The following SLC23A2 variants were observed in gnomAD, a reference collection of about 807,000 sequenced individuals.
SLC23A2 encodes the protein solute carrier family 23 member 2, also known as Na(+)/L-ascorbic acid transporter 2.
Under a neutral mutation model 73.3 loss-of-function variants are expected in SLC23A2, and 36 were observed. The observed-to-expected ratio is 0.49, with a 90% CI of 0.38 to 0.65. The LOEUF (loss-of-function observed/expected upper bound fraction) is 0.65. Ranked by LOEUF, SLC23A2 falls within the 30% of genes least tolerant of loss-of-function variation. The pLI is 0.00. For synonymous variants in SLC23A2, 343 were observed against 327.3 expected, an observed-to-expected ratio of 1.05 and a Z score of -0.52; for missense variants, 507 against 841.6, an observed-to-expected ratio of 0.60 and a Z score of 4.92.
chr20:4,893,167 G>A (rs755427632), intron 6 of SLC23A2, among the ~76,000 whole-genome samples: 3 of 151,602 alleles, frequency 2.0e-5, no homozygotes, highest in South Asian at 2.1e-4. Context: ...GGGCTCAAGC[G>A]ACCCTCCCAC....
chr20:4,904,251 C>A (rs1188895411), intron 4 of SLC23A2, among the ~76,000 whole-genome samples: 1 of 152,184 alleles, frequency 6.6e-6, no homozygotes, highest in African/African-American at 2.4e-5. Flanking sequence ...GACAGATCCC[C>A]AATTAAAAAC....
intron 1 of SLC23A2, among the ~76,000 whole-genome samples, chr20:5,000,240 T>C (rs2088095819): frequency 6.6e-6 from 1 of 152,026 alleles, no homozygotes; most frequent in Non-Finnish European, 1.5e-5. Context: ...CCTGCAACGG[T>C]GAAAAAGGCA....
intron 2 of SLC23A2, among the ~76,000 whole-genome samples, chr20:4,933,609 A>G (rs1420144328): frequency 1.3e-5 from 2 of 152,068 alleles, no homozygotes; most frequent in African/African-American, 4.8e-5. Flanking sequence ...AGCCCGGATG[A>G]TAGAGTAAGT....
intron 13 of SLC23A2, 143 bp downstream of exon 13, chr20:4,867,625 TAA>T (rs11476144): frequency 0.11 from 33,181 of 290,090 alleles, 302 homozygotes; most frequent in African/African-American, 0.16. Context: ...TATAAACACT[TAA>T]AAAAAAAAAA....
chr20:4,958,095 T>C (rs1055377526), intron 2 of SLC23A2, among the ~76,000 whole-genome samples: 2 of 152,148 alleles, frequency 1.3e-5, no homozygotes, highest in African/African-American at 4.8e-5. Flanking sequence ...GTGAAGACTG[T>C]CTGCACCCTT....
intron 4 of SLC23A2, among the ~76,000 whole-genome samples, chr20:4,904,173 A>T (rs1931853452): frequency 6.6e-6 from 1 of 152,224 alleles, no homozygotes; most frequent in Non-Finnish European, 1.5e-5. Context: ...ACACAGTGTC[A>T]GCTTGACCTC....
At chr20:5,004,673 C>T (rs887687068), upstream of SLC23A2, among the ~76,000 whole-genome samples, 1 of 151,758 alleles carries the variant, frequency 6.6e-6, no homozygotes, top group African/African-American at 2.4e-5. Context: ...GGGGAGACCC[C>T]ATCTCTGAAT....
chr20:4,999,556 A>T (rs1294064747), intron 1 of SLC23A2, among the ~76,000 whole-genome samples: 3 of 143,670 alleles, frequency 2.1e-5, no homozygotes, highest in Admixed American at 1.4e-4. Context: ...ATACTCAGCT[A>T]TTTTTTTTTT....
Position 4,859,401 on chromosome 20 carries a change from G to A in SLC23A2, c.1625-17C>T, listed in dbSNP as rs367934235. On this transcript the variant is annotated splice_polypyrimidine_tract_variant and intron_variant, in intron 15 of 16. Coordinates refer to ENST00000338244, the MANE Select transcript of SLC23A2 (RefSeq NM_005116.6). ...CTGTTATCCCTAGAAAGAGAACACA[G>A]CCATAAACGATCAGTGCCACAGCAG... is the stretch of plus-strand genomic sequence containing the variant. 7.1e-6 allele frequency: 11 copies of A among 1,551,930 alleles called. No homozygotes were observed. In the African/African-American group the frequency reaches 1.4e-4, roughly 19 times the overall value.
intron 2 of SLC23A2, among the ~76,000 whole-genome samples, chr20:4,941,841 A>C (rs1343912067): frequency 6.6e-6 from 1 of 152,254 alleles, no homozygotes; most frequent in African/African-American, 2.4e-5. Context: ...GAAAAGAATT[A>C]AAAGCAATAT....
At chr20:4,871,344 C>T (rs984698418) in intron 11 of SLC23A2, among the ~76,000 whole-genome samples, 10 of 152,194 alleles carry the variant, frequency 6.6e-5, no homozygotes, top group African/African-American at 2.2e-4. Context: ...AAGGCGAAGT[C>T]GGGCCCTGGC....
intron 16 of SLC23A2, among the ~76,000 whole-genome samples, chr20:4,858,528 G>GT (rs11482735): frequency 0.16 from 24,100 of 151,926 alleles, 2,052 homozygotes; most frequent in African/African-American, 0.21. Flanking sequence ...CTTGATTGAG[G>GT]TTTTTTATTT....
chr20:4,940,275 G>A (rs370135216), intron 2 of SLC23A2, among the ~76,000 whole-genome samples: 74 of 151,824 alleles, frequency 4.9e-4, no homozygotes, highest in African/African-American at 1.7e-3. Flanking sequence ...AGATCATGCC[G>A]CTTCACTACA....
chr20:4,860,055 A>G (rs1190389599), intron 15 of SLC23A2, among the ~76,000 whole-genome samples: 3 of 152,366 alleles, frequency 2.0e-5, no homozygotes, highest in East Asian at 3.9e-4. Flanking sequence ...GCCGCCATGA[A>G]AAAGTTTGGC....
chr20:4,872,815 C>T lies in SLC23A2; in HGVS notation c.1102+1121G>A, dbSNP rs1433651211. Reference sequence around the variant, plus strand: ...TGTCTCCCAGGCTGAAGTGCAGTGGCGCAATCTCGACTCACTGCAACCTCC... The same window carrying T: ...TGTCTCCCAGGCTGAAGTGCAGTGGTGCAATCTCGACTCACTGCAACCTCC... On this transcript the variant is annotated intron_variant, in intron 11 of 16. Transcript: ENST00000338244. The surrounding 1 kb of genome is among the most constrained non-coding windows in gnomAD (Gnocchi z 4.4). 3.3e-5 allele frequency among the ~76,000 whole-genome samples: 5 copies of T among 152,066 alleles called. 1 individual carries two copies. Among genetic ancestry groups the T allele is most frequent in the South Asian group, 2.1e-4 (1 of 4,818 alleles).
rs530212294 is a variant in SLC23A2 at position 4,896,513 on chromosome 20, C to T, written c.482+3042G>A. Among the ~76,000 whole-genome samples the T allele has an allele frequency of 2.0e-4, 31 of 152,310 alleles. 1 individual carries two copies. The South Asian group carries it at 2.3e-3, about 11-fold the overall frequency. ...CCCATCCCAAAGGCTCTCTCTAAGC[C>T]GCTCCACTGGAAAGATTCTTTAATC... is the stretch of plus-strand genomic sequence containing the variant. On this transcript the variant is annotated intron_variant, in intron 6 of 16. Coordinates refer to ENST00000338244, the MANE Select transcript of SLC23A2 (RefSeq NM_005116.6).
upstream of SLC23A2, among the ~76,000 whole-genome samples, chr20:5,005,125 T>TC (rs2088177656): frequency 6.6e-6 from 1 of 151,646 alleles, no homozygotes; most frequent in South Asian, 2.1e-4. Context: ...TTCTTTTTCT[T>TC]CTTTTTTTTT....
chr20:4,996,372 AGCAAAACTCATGAGTGG>A (rs546246342), intron 1 of SLC23A2, among the ~76,000 whole-genome samples: 4 of 152,096 alleles, frequency 2.6e-5, no homozygotes, highest in Non-Finnish European at 5.9e-5. Context: ...AGCTGCTTTG[AGCAAAACTCATGAGTGG>A]GCAAAACTCA....
At chr20:4,984,921 G>A (rs1382210197) in intron 1 of SLC23A2, among the ~76,000 whole-genome samples, 2 of 152,098 alleles carry the variant, frequency 1.3e-5, no homozygotes, top group East Asian at 1.9e-4. Flanking sequence ...GGCGGATCAT[G>A]AGGTCAAGAG....
Sources: gnomAD v4.1 joint callset for allele counts (sites outside exome capture counted in the v4.1 genomes callset) on GRCh38, gnomAD v4.1.1 for gene constraint, Gnocchi (gnomAD v3.1) non-coding constraint, MANE v1.5 for transcripts, NCBI Gene and HGNC (gene_info 2026-07-23, HGNC 2026-07-21) for gene names.